The following TENM4 variants were observed in gnomAD, a reference collection of about 807,000 sequenced individuals.
TENM4 encodes the protein teneurin transmembrane protein 4.
A neutral mutation model predicts 243.3 loss-of-function variants in TENM4; 82 were observed. The observed-to-expected ratio is 0.34, with a 90% CI of 0.28 to 0.40. TENM4 has a LOEUF of 0.40. Ranked by LOEUF, TENM4 falls within the 10% of genes least tolerant of loss-of-function variation. The pLI is 1.00. For synonymous variants in TENM4, 1,412 were observed against 1,456.3 expected (o/e 0.97, Z 0.69); for missense variants, 3,138 against 3,673.3 (o/e 0.85, Z 3.77).
intron 1 of TENM4, among the ~76,000 whole-genome samples, chr11:79,346,552 A>T (rs1234423882): frequency 6.6e-6 from 1 of 152,138 alleles, no homozygotes; most frequent in East Asian, 1.9e-4. Flanking sequence ...ATTACGAGTA[A>T]TTAGTAATTA....
At chr11:78,939,595 A>C (rs1169704225) in intron 6 of TENM4, among the ~76,000 whole-genome samples, 1 of 152,184 alleles carries the variant, frequency 6.6e-6, no homozygotes, top group African/African-American at 2.4e-5. Context: ...CTTGACCCCC[A>C]CATAGAGAAT....
At chr11:79,127,426 C>T (rs149498748) in intron 4 of TENM4, among the ~76,000 whole-genome samples, 1 of 136,388 alleles carries the variant, frequency 7.3e-6, no homozygotes, top group Non-Finnish European at 1.7e-5. Context: ...CCAATTGCAG[C>T]TGCTGCACCA....
chr11:79,373,516 A>G (rs1857830324), intron 1 of TENM4, among the ~76,000 whole-genome samples: 1 of 152,028 alleles, frequency 6.6e-6, no homozygotes, highest in Non-Finnish European at 1.5e-5. Context: ...ATTCATGGGT[A>G]GATACATGGG....
At chr11:79,019,615 T>A (rs1858871900) in intron 6 of TENM4, among the ~76,000 whole-genome samples, 1 of 152,232 alleles carries the variant, frequency 6.6e-6, no homozygotes, top group Non-Finnish European at 1.5e-5. Context: ...ATTTATTATT[T>A]CAGTGAATAT....
intron 6 of TENM4, among the ~76,000 whole-genome samples, chr11:79,061,747 A>G (rs6592818): frequency 0.85 from 129,558 of 152,146 alleles, 56,267 homozygotes; most frequent in Middle Eastern, 0.97. Context: ...CTAGGGCTGT[A>G]AGAGTAAAGA....
intron 1 of TENM4, among the ~76,000 whole-genome samples, chr11:79,385,483 G>C (rs970958425): frequency 6.6e-6 from 1 of 152,154 alleles, no homozygotes; most frequent in African/African-American, 2.4e-5. Context: ...CCCCTGTTAA[G>C]ATGAGAGTAT....
At chr11:78,942,886 T>A (rs1856932642) in intron 6 of TENM4, among the ~76,000 whole-genome samples, 1 of 149,420 alleles carries the variant, frequency 6.7e-6, no homozygotes, top group African/African-American at 2.5e-5. Context: ...ATTGGAGAAA[T>A]GGTGATCTGA....
intron 6 of TENM4, among the ~76,000 whole-genome samples, chr11:78,996,555 A>G (rs1254155407): frequency 6.6e-6 from 1 of 152,200 alleles, no homozygotes; most frequent in African/African-American, 2.4e-5. Context: ...TTTAAGTTTT[A>G]GGATAGTTTG....
chr11:78,893,475 C>A (rs1458410499), intron 7 of TENM4, among the ~76,000 whole-genome samples: 1 of 152,206 alleles, frequency 6.6e-6, no homozygotes, highest in African/African-American at 2.4e-5. Flanking sequence ...TTAGAATAAA[C>A]CATAGTCCTT....
At chr11:78,926,580 T>C (rs1856555673) in intron 6 of TENM4, among the ~76,000 whole-genome samples, 1 of 152,134 alleles carries the variant, frequency 6.6e-6, no homozygotes, top group Non-Finnish European at 1.5e-5. Flanking sequence ...CCAGAAATGA[T>C]ATTTTTTATT....
chr11:78,658,236 C>T lies in TENM4; in HGVS notation c.8132G>A (p.Arg2711Gln), dbSNP rs148029717. 282 of 1,613,932 alleles carry T rather than the reference C, an allele frequency of 1.7e-4. 1 individual carries two copies. Among genetic ancestry groups the T allele is most frequent in the African/African-American group, 1.3e-3 (94 of 75,070 alleles). The change falls in exon 34 of 34, where the codon CGG becomes CAG. Residue 2711 changes from arginine to glutamine, a missense_variant. Coordinates refer to ENST00000278550, the MANE Select transcript of TENM4 (RefSeq NM_001098816.3). ...GGCCCGCAGGCCTTCCTCCCCTTCC[C>T]GCAGTCTCTGCTGCTCGCGGGCCCA... ...QAWAREQQRL[R>Q]EGEEGLRAWT... is the part of the protein sequence containing the mutation.
At chr11:79,347,478 G>A (rs1168705473) in intron 1 of TENM4, among the ~76,000 whole-genome samples, 1 of 152,114 alleles carries the variant, frequency 6.6e-6, no homozygotes, top group Non-Finnish European at 1.5e-5. Context: ...CTCACTTTAG[G>A]GCCAGGGTTC....
At position 79,440,061 on chromosome 11, in the gene TENM4, C is replaced by A. The variant is rs967145445; in HGVS notation, c.-321+448G>T. ...CTTGCCCCGCAGGGCAGGCTGCAGC[C>A]GCTGAAGCCCGGCGCCGCCTCGCGG... On this transcript the variant is annotated intron_variant, in intron 1 of 33. Coordinates refer to ENST00000278550, the MANE Select transcript of TENM4 (RefSeq NM_001098816.3). The surrounding 1 kb of genome is among the most constrained non-coding windows in gnomAD (Gnocchi z 4.7). Among the ~76,000 whole-genome samples, 14 of 152,094 alleles carry A rather than the reference C, an allele frequency of 9.2e-5. No individual in the cohort carries two copies. The highest frequency in any genetic ancestry group is 3.4e-4 in the African/African-American group (14 of 41,434).
chr11:79,231,891 C>A (rs895637922), intron 2 of TENM4, among the ~76,000 whole-genome samples: 5 of 152,162 alleles, frequency 3.3e-5, no homozygotes, highest in Admixed American at 2.6e-4. Flanking sequence ...ACCAGCCTGG[C>A]CAACATGGTG....
chr11:78,928,191 G>T (rs758893015), intron 6 of TENM4, among the ~76,000 whole-genome samples: 35 of 152,178 alleles, frequency 2.3e-4, no homozygotes, highest in African/African-American at 6.5e-4. Context: ...GCCCCTGGGG[G>T]TCCCCGCTCT....
At chr11:78,686,322 C>A (rs569371955) in intron 29 of TENM4, among the ~76,000 whole-genome samples, 1 of 152,190 alleles carries the variant, frequency 6.6e-6, no homozygotes, top group African/African-American at 2.4e-5. Context: ...GAAAGCCCCA[C>A]GCCCCTTACC....
chr11:79,156,726 T>C (rs543720848), intron 3 of TENM4, among the ~76,000 whole-genome samples: 1 of 152,314 alleles, frequency 6.6e-6, no homozygotes, highest in South Asian at 2.1e-4. Context: ...AAATGTCTCC[T>C]GTGAATGCCT....
intron 3 of TENM4, among the ~76,000 whole-genome samples, chr11:79,171,548 T>C (rs1269985407): frequency 2.6e-5 from 4 of 152,110 alleles, no homozygotes. Context: ...ATAGACTGAT[T>C]AAATATGGTG....
intron 25 of TENM4, among the ~76,000 whole-genome samples, chr11:78,718,433 C>G (rs1256578426): frequency 6.6e-6 from 1 of 152,142 alleles, no homozygotes; most frequent in Non-Finnish European, 1.5e-5. Context: ...ACCACAAACT[C>G]TTTCAGTTTA....
Sources: gnomAD v4.1 joint callset for allele counts (sites outside exome capture counted in the v4.1 genomes callset) on GRCh38, gnomAD v4.1.1 for gene constraint, Gnocchi (gnomAD v3.1) non-coding constraint, MANE v1.5 for transcripts, NCBI Gene and HGNC (gene_info 2026-07-23, HGNC 2026-07-21) for gene names.